Variants in ZFP62 observed in about 807,000 individuals in gnomAD.
ZFP62 encodes ZFP62 zinc finger protein.
Under a neutral mutation model 56.4 loss-of-function variants are expected in ZFP62, and 44 were observed. The ratio of observed to expected loss-of-function variants is 0.78; its 90% CI spans 0.61 to 1.00. The LOEUF is 1.00. ZFP62 is among the 50% of genes least tolerant of loss of function. The pLI is 0.00. For synonymous variants in ZFP62, 421 were observed against 388.9 expected (o/e 1.08, Z -0.97); for missense variants, 1,030 against 1,085.7 (o/e 0.95, Z 0.72).
chr5:180,845,366 A>C (rs1773392123), downstream of ZFP62, among the ~76,000 whole-genome samples: 1 of 139,826 alleles, frequency 7.2e-6, no homozygotes, highest in Non-Finnish European at 1.5e-5. Context: ...AAAAAAAGAC[A>C]CGTGAGGACA....
the ZFP62 span, among the ~76,000 whole-genome samples, chr5:180,836,852 A>G: frequency 6.6e-6 from 1 of 152,220 alleles, no homozygotes; most frequent in South Asian, 2.1e-4. Context: ...ACAGCATTCA[A>G]TTAATTTCCT....
chr5:180,860,343 C>A (rs1439003566), intron 1 of ZFP62, among the ~76,000 whole-genome samples: 1 of 152,052 alleles, frequency 6.6e-6, no homozygotes, highest in Non-Finnish European at 1.5e-5. Context: ...TTACATATTT[C>A]ATATTATTAT....
At chr5:180,839,776 A>AT in the ZFP62 span, among the ~76,000 whole-genome samples, 1 of 152,184 alleles carries the variant, frequency 6.6e-6, no homozygotes, top group Non-Finnish European at 1.5e-5. Flanking sequence ...CAATAAATAA[A>AT]AAATAAAATG....
the ZFP62 span, among the ~76,000 whole-genome samples, chr5:180,829,776 G>A: frequency 9.9e-5 from 15 of 152,160 alleles, no homozygotes; most frequent in Admixed American, 3.3e-4. Flanking sequence ...TCTATACCTC[G>A]GAGCCGACAC....
intron 1 of ZFP62, among the ~76,000 whole-genome samples, chr5:180,852,255 T>C (rs1773749125): frequency 1.3e-5 from 2 of 151,900 alleles, no homozygotes; most frequent in African/African-American, 4.8e-5. Context: ...TATGAAGCCA[T>C]ATGGAAAAAG....
downstream of ZFP62, among the ~76,000 whole-genome samples, chr5:180,845,442 T>A (rs915145080): frequency 3.3e-5 from 5 of 150,150 alleles, no homozygotes; most frequent in African/African-American, 1.2e-4. Flanking sequence ...GAACTCAGGC[T>A]TCCTTGTGGA....
the ZFP62 span, among the ~76,000 whole-genome samples, chr5:180,828,794 A>G: frequency 1.5e-4 from 23 of 152,308 alleles, no homozygotes; most frequent in Non-Finnish European, 2.5e-4. Flanking sequence ...AAAGAGCCAT[A>G]TTTTTCTTCT....
the ZFP62 span, chr5:180,831,748 C>G: frequency 6.5e-6 from 1 of 152,864 alleles, no homozygotes; most frequent in Non-Finnish European, 1.5e-5. Context: ...CACCTTCCTC[C>G]TCTCTCTCAG....
chr5:180,845,584 C>T (rs1395177226), downstream of ZFP62: 1 of 393,876 alleles, frequency 2.5e-6, no homozygotes, highest in Non-Finnish European at 3.5e-6. Context: ...AGTAGGAAGA[C>T]AATTGAAGTA....
downstream of ZFP62, among the ~76,000 whole-genome samples, chr5:180,844,915 C>G (rs558165369): frequency 6.6e-6 from 1 of 152,296 alleles, no homozygotes; most frequent in African/African-American, 2.4e-5. Flanking sequence ...CAGACTTATT[C>G]CATACATTCT....
chr5:180,836,062 A>G, the ZFP62 span, among the ~76,000 whole-genome samples: 40 of 152,228 alleles, frequency 2.6e-4, no homozygotes, highest in Non-Finnish European at 4.3e-4. Flanking sequence ...GTACAGTCAC[A>G]TGCTGTACTG....
Position 180,848,801 on chromosome 5 carries a change from C to A in ZFP62, c.2694G>T (p.Met898Ile), listed in dbSNP as rs1773515072. ...TGGTAAGCTCTGCCTGCTACAGAGG[C>A]ATCCTCATCCTGCCCCCATCCAGGG... ...GNALDGGRMR[M>I]PL Residue 898 changes from methionine (M) to isoleucine (I), a missense_variant, in exon 2 of 2, where the codon ATG becomes ATT. Transcript: ENST00000502412. 1 of 1,526,766 alleles carries A rather than the reference C, an allele frequency of 6.5e-7. No individual in the cohort carries two copies. The highest frequency in any genetic ancestry group is 8.8e-7 in the Non-Finnish European group (1 of 1,131,522). The allele number at this position is 1,526,766 out of a possible 1,614,324, so 94.6% of individuals were successfully genotyped here.
the ZFP62 span, among the ~76,000 whole-genome samples, chr5:180,826,908 G>C: frequency 2.6e-5 from 4 of 152,202 alleles, no homozygotes; most frequent in African/African-American, 9.6e-5. Flanking sequence ...AGATGGAGTT[G>C]AGAAAGCTTT....
At chr5:180,840,789 TTGTGTGTGTG>T in the ZFP62 span, among the ~76,000 whole-genome samples, 42 of 146,556 alleles carry the variant, frequency 2.9e-4, no homozygotes, top group Middle Eastern at 3.5e-3. Flanking sequence ...CTAAAACAAT[TTGTGTGTGTG>T]TGTGTGTGTG....
chr5:180,828,862 T>C, the ZFP62 span, among the ~76,000 whole-genome samples: 1 of 152,196 alleles, frequency 6.6e-6, no homozygotes, highest in African/African-American at 2.4e-5. Context: ...ATTCTTTTCC[T>C]AGCAAGGAAT....
At chr5:180,858,468 T>C (rs1436013309) in intron 1 of ZFP62, among the ~76,000 whole-genome samples, 4 of 151,842 alleles carry the variant, frequency 2.6e-5, no homozygotes, top group Non-Finnish European at 5.9e-5. Context: ...CCAGATGTGG[T>C]GGTGCACACC....
chr5:180,849,983 G>A lies in ZFP62; in HGVS notation c.1512C>T (p.Pro504=). ...NHKGIHLGEK[P]YKCSYCEKSF... Reference sequence around the variant, plus strand: ...ATTTCTCACAATAGCTACATTTATAGGGCTTCTCCCCAAGGTGGATTCCTT... The same window carrying A: ...ATTTCTCACAATAGCTACATTTATAAGGCTTCTCCCCAAGGTGGATTCCTT... The change falls in exon 2 of 2, where the codon CCC becomes CCT. Residue 504 remains proline (P), a synonymous_variant. Coordinates refer to ENST00000502412, the MANE Select transcript of ZFP62 (RefSeq NM_001172638.2). The A allele has an allele frequency of 6.4e-7, 1 of 1,551,692 alleles. No individual in the cohort carries two copies. Among genetic ancestry groups the A allele is most frequent in the South Asian group, 1.2e-5 (1 of 84,062 alleles).
downstream of ZFP62, among the ~76,000 whole-genome samples, chr5:180,845,237 G>A (rs1417442871): frequency 1.3e-5 from 2 of 148,410 alleles, no homozygotes; most frequent in Non-Finnish European, 3.0e-5. Context: ...TGGAGGCTGA[G>A]GCATGAGAAT....
the ZFP62 span, among the ~76,000 whole-genome samples, chr5:180,838,339 A>G: frequency 6.6e-6 from 1 of 152,126 alleles, no homozygotes. Flanking sequence ...TGCCCAAGTG[A>G]GGTGAGTAGG....
Sources: gnomAD v4.1 joint callset for allele counts (sites outside exome capture counted in the v4.1 genomes callset) on GRCh38, gnomAD v4.1.1 for gene constraint, MANE v1.5 for transcripts, NCBI Gene and HGNC (gene_info 2026-07-23, HGNC 2026-07-21) for gene names.